Variants in DRC4 observed in about 807,000 individuals in gnomAD.
DRC4 encodes GAS-11.
chr16:90,034,682 A>G, the DRC4 span, among the ~76,000 whole-genome samples: 10,880 of 151,692 alleles, frequency 0.072, 736 homozygotes, highest in Admixed American at 0.2. Context: ...TTTTAAATAT[A>G]TAATGTTTAT....
At chr16:90,026,488 C>A in the DRC4 span, among the ~76,000 whole-genome samples, 1 of 152,118 alleles carries the variant, frequency 6.6e-6, no homozygotes, top group East Asian at 1.9e-4. Context: ...TTGTCACAAC[C>A]GATCGTGGTT....
the DRC4 span, chr16:90,043,077 C>T: frequency 1.5e-5 from 18 of 1,202,456 alleles, no homozygotes; most frequent in Non-Finnish European, 1.8e-5. Flanking sequence ...ACTGATAAGC[C>T]TTTGGCTTTA....
the DRC4 span, chr16:90,037,196 G>C: frequency 6.4e-7 from 1 of 1,563,018 alleles, no homozygotes; most frequent in South Asian, 1.2e-5. Flanking sequence ...GGTTCTGCCT[G>C]CTGAGCCCCT....
chr16:90,020,995 C>T, the DRC4 span: 1 of 152,282 alleles, frequency 6.6e-6, no homozygotes, highest in African/African-American at 2.4e-5. Context: ...GAGGAGGCCC[C>T]TCTCAGGCCA....
the DRC4 span, chr16:90,040,522 C>T: frequency 1.9e-5 from 30 of 1,585,644 alleles, no homozygotes; most frequent in Non-Finnish European, 1.6e-5. Flanking sequence ...AGGCCCTAGA[C>T]AGGCTCCTGA....
chr16:90,025,999 G>T, the DRC4 span, among the ~76,000 whole-genome samples: 11 of 151,998 alleles, frequency 7.2e-5, no homozygotes, highest in Admixed American at 7.2e-4. Flanking sequence ...AACTCCTGTG[G>T]TCCCAGCTCC....
the DRC4 span, chr16:90,040,283 C>T: frequency 3.2e-6 from 5 of 1,560,166 alleles, no homozygotes; most frequent in African/African-American, 4.1e-5. Flanking sequence ...CGCCCACCCC[C>T]AGCGCTGTCC....
At chr16:90,033,286 T>G in the DRC4 span, among the ~76,000 whole-genome samples, 1 of 152,202 alleles carries the variant, frequency 6.6e-6, no homozygotes, top group Non-Finnish European at 1.5e-5. Flanking sequence ...TCCAGTGTGT[T>G]GACTCCTGGG....
At chr16:90,026,285 A>G in the DRC4 span, among the ~76,000 whole-genome samples, 2 of 152,166 alleles carry the variant, frequency 1.3e-5, no homozygotes. Context: ...GGTTTCAGCA[A>G]CTTCCACAAG....
the DRC4 span, chr16:90,043,130 G>T: frequency 6.5e-7 from 1 of 1,535,758 alleles, no homozygotes; most frequent in Non-Finnish European, 8.8e-7. Flanking sequence ...CCATGGAGCT[G>T]CACTCAGCTC....
chr16:90,021,638 A>G, the DRC4 span, among the ~76,000 whole-genome samples: 1 of 152,066 alleles, frequency 6.6e-6, no homozygotes, highest in Admixed American at 6.6e-5. Flanking sequence ...AGGCCGAGGC[A>G]GGAGGATCAC....
the DRC4 span, among the ~76,000 whole-genome samples, chr16:90,032,431 C>T: frequency 6.7e-6 from 1 of 149,180 alleles, no homozygotes; most frequent in African/African-American, 2.5e-5. Flanking sequence ...TATGGGTGAC[C>T]AGGTGTGTAC....
the DRC4 span, among the ~76,000 whole-genome samples, chr16:90,030,452 T>C: frequency 6.6e-6 from 1 of 151,790 alleles, no homozygotes; most frequent in Non-Finnish European, 1.5e-5. Flanking sequence ...ACGATCCTCC[T>C]ACCTCAGTCT....
chr16:90,033,944 C>A, the DRC4 span, among the ~76,000 whole-genome samples: 2 of 151,110 alleles, frequency 1.3e-5, no homozygotes, highest in Non-Finnish European at 2.9e-5. Context: ...CAGGAGGAGA[C>A]TGTGGGAGAG....
the DRC4 span, among the ~76,000 whole-genome samples, chr16:90,027,210 C>G: frequency 2.0e-5 from 3 of 151,936 alleles, no homozygotes; most frequent in Admixed American, 2.0e-4. Context: ...CTCAGCCTCC[C>G]GAGTAGCTGG....
chr16:90,019,876 T>G, the DRC4 span: 1 of 608,006 alleles, frequency 1.6e-6, no homozygotes, highest in Non-Finnish European at 3.0e-6. This position sits in a 1 kb window ranked among gnomAD's most constrained non-coding sequence, Gnocchi z 6.1. Context: ...CAGAGCGCCC[T>G]GGATGGCGCG....
the DRC4 span, among the ~76,000 whole-genome samples, chr16:90,023,467 G>C: frequency 3.3e-5 from 5 of 152,204 alleles, no homozygotes; most frequent in African/African-American, 9.6e-5. Flanking sequence ...TTCAGCTGGT[G>C]GGGGGAGGAA....
the DRC4 span, among the ~76,000 whole-genome samples, chr16:90,028,345 T>C: frequency 2.6e-5 from 4 of 151,830 alleles, no homozygotes; most frequent in Admixed American, 6.6e-5. Context: ...CCACCACGCC[T>C]GGCTAATTTT....
the DRC4 span, among the ~76,000 whole-genome samples, chr16:90,021,824 A>C: frequency 1.4e-5 from 2 of 142,872 alleles, no homozygotes; most frequent in East Asian, 4.3e-4. Context: ...AGTTGTGATC[A>C]CAGCCTAGGC....
Sources: allele counts gnomAD v4.1 joint callset (sites outside exome capture counted in the v4.1 genomes callset), GRCh38; gene constraint gnomAD v4.1.1; non-coding constraint Gnocchi (gnomAD v3.1); transcripts MANE v1.5; gene names NCBI Gene and HGNC (gene_info 2026-07-23, HGNC 2026-07-21).